The following COL13A1 variants were observed in gnomAD, a reference collection of about 807,000 sequenced individuals.
COL13A1 encodes the protein collagen type XIII alpha 1 chain.
COL13A1 carries 89 observed loss-of-function variants against 130.9 expected under a neutral mutation model. The observed-to-expected ratio is 0.68, with a 90% confidence interval of 0.57 to 0.81. The LOEUF is 0.81. COL13A1 is among the 30% of genes least tolerant of loss of function. The probability of loss-of-function intolerance (pLI) is 0.00; values close to 1 mark genes in which losing one functional copy is unlikely to be tolerated. For missense variants in COL13A1, 879 were observed against 934.6 expected (o/e 0.94, Z 0.78); for synonymous variants, 402 against 341.6 (o/e 1.18, Z -1.95).
At chr10:69,877,036 A>G (rs1171306557) in intron 5 of COL13A1, among the ~76,000 whole-genome samples, 1 of 152,208 alleles carries the variant, frequency 6.6e-6, no homozygotes, top group Non-Finnish European at 1.5e-5. Context: ...GGGGAGCTGC[A>G]GGAGGTCTCC....
rs1344557469 is a variant in COL13A1, at chr10:69,802,558, C to A, written c.135C>A (p.Cys45Ter). Residue 45 changes from cysteine (C) to a stop codon, truncating the protein, a stop_gained, in exon 1 of 41, where the codon TGC (cysteine) becomes TGA (stop). Transcript: ENST00000645393. LOFTEE classifies it high-confidence loss of function. ...RGARLPSPGS[C>*]GLLTLALCSL... ...CACGGCTGCCGAGTCCAGGGTCGTG[C>A]GGGCTGCTGACGCTGGCCCTCTGCT... 3 of 1,608,828 alleles carry A rather than the reference C, an allele frequency of 1.9e-6. No individual in the cohort carries two copies. The highest frequency in any genetic ancestry group is 4.5e-5 in the East Asian group (2 of 44,644).
At chr10:69,904,907 T>G in intron 15 of COL13A1, 26 bp from the exon 16 acceptor site, 1 of 203,640 alleles carries the variant, frequency 4.9e-6, no homozygotes, top group Non-Finnish European at 8.5e-6. Flanking sequence ...TCTTTTTTCT[T>G]TTTTTTTTTT....
chr10:69,940,085 T>G (rs2067421945), intron 34 of COL13A1, among the ~76,000 whole-genome samples: 1 of 152,170 alleles, frequency 6.6e-6, no homozygotes, highest in Non-Finnish European at 1.5e-5. Context: ...TGGGTTTTCC[T>G]GGGTGGGTTT....
intron 36 of COL13A1, 100 bp downstream of exon 36, chr10:69,944,278 C>A: frequency 9.9e-7 from 1 of 1,009,872 alleles, no homozygotes; most frequent in Admixed American, 1.8e-5. Flanking sequence ...CTTCTTCCAT[C>A]TCTTCTCCTG....
chr10:69,930,503 G>A lies in COL13A1; in HGVS notation c.1634G>A (p.Ser545Asn). 1.9e-6 allele frequency: 3 copies of A among 1,613,918 alleles called. No homozygotes were observed. Among genetic ancestry groups the A allele is most frequent in the Non-Finnish European group, 2.5e-6 (3 of 1,179,844 alleles). Residue 545 changes from serine to asparagine, a missense_variant, in exon 30 of 41, where the codon AGC becomes AAC. Physicochemically the swap from Ser to Asn is conservative, Grantham distance 46 (BLOSUM62 1). This residue lies in a region of COL13A1 where 715 missense variants were observed against 721.0 expected (regional missense o/e 0.99). Coordinates refer to ENST00000645393, the MANE Select transcript of COL13A1 (RefSeq NM_001368882.1). ...GVKGENGHPG[S>N]PGEKGEKGET... is the part of the protein sequence containing the mutation. ...AAGGGAGAAAACGGGCACCCAGGGAGCCCAGGAGAGAAGGGGGAAAAAGGG... is the reference window on the plus strand; with the variant it reads ...AAGGGAGAAAACGGGCACCCAGGGAACCCAGGAGAGAAGGGGGAAAAAGGG...
intron 17 of COL13A1, among the ~76,000 whole-genome samples, chr10:69,912,309 C>A (rs550240747): frequency 6.6e-6 from 1 of 152,220 alleles, no homozygotes; most frequent in Non-Finnish European, 1.5e-5. Flanking sequence ...CCCGGTAATT[C>A]CCCGGATCAC....
At chr10:69,902,206 T>A (rs547383874) in intron 14 of COL13A1, among the ~76,000 whole-genome samples, 1 of 152,226 alleles carries the variant, frequency 6.6e-6, no homozygotes, top group South Asian at 2.1e-4. Context: ...AGTTGTTTAG[T>A]GAGCCAAATA....
intron 17 of COL13A1, among the ~76,000 whole-genome samples, chr10:69,914,723 G>A (rs1056126261): frequency 1.3e-5 from 2 of 152,206 alleles, no homozygotes; most frequent in African/African-American, 4.8e-5. Flanking sequence ...TGCTAGCAGG[G>A]GACCCTCCAA....
At chr10:69,898,656 G>C (rs778302825) in intron 13 of COL13A1, 41 bp from the exon 14 acceptor site, 8 of 1,583,186 alleles carry the variant, frequency 5.1e-6, no homozygotes, top group Non-Finnish European at 6.9e-6. Flanking sequence ...TGTGATCTTT[G>C]GCCTTTGCCC....
intron 32 of COL13A1, among the ~76,000 whole-genome samples, chr10:69,936,083 GGGAGGGAA>G (rs2066807519): frequency 8.1e-6 from 1 of 123,338 alleles, no homozygotes; most frequent in African/African-American, 3.5e-5. Context: ...GAGGGAGGGA[GGGAGGGAA>G]GGAGGGAAGG....
chr10:69,810,743 G>T, intron 1 of COL13A1, among the ~76,000 whole-genome samples: 1 of 152,180 alleles, frequency 6.6e-6, no homozygotes, highest in East Asian at 1.9e-4. Context: ...GGGAGACTAG[G>T]GTGGATGGGG....
At chr10:69,839,348 A>G (rs777475577) in intron 2 of COL13A1, among the ~76,000 whole-genome samples, 6 of 152,226 alleles carry the variant, frequency 3.9e-5, no homozygotes, top group Non-Finnish European at 7.3e-5. Context: ...ACAAGAAAAT[A>G]TCCACTGATT....
chr10:69,925,028 G>A, intron 25 of COL13A1, 21 bp downstream of exon 25: 1 of 1,547,914 alleles, frequency 6.5e-7, no homozygotes, highest in Non-Finnish European at 8.7e-7. Context: ...CTCCCTCCTG[G>A]AGTCACAGCG....
At position 69,928,999 on chromosome 10, in the gene COL13A1, G is replaced by C. The variant is rs2065754844; in HGVS notation, c.1485G>C (p.Lys495Asn). The C allele has an allele frequency of 1.2e-6, 2 of 1,612,600 alleles. No homozygotes were observed. The highest frequency in any genetic ancestry group is 1.7e-6 in the Non-Finnish European group (2 of 1,179,320). The change falls in exon 28 of 41, where the codon AAG becomes AAC. Residue 495 changes from lysine (K) to asparagine (N), a missense_variant and splice_region_variant. Transcript: ENST00000645393. ...GAGCTCCAGGGATTCCAGGCCAGAA[G>C]GTAAATCTTATCTTGACAAAGGGGG... ...PPGAPGIPGQ[K>N]GEIGLPGPPG...
intron 21 of COL13A1, among the ~76,000 whole-genome samples, chr10:69,920,413 C>T (rs2064494002): frequency 6.6e-6 from 1 of 152,232 alleles, no homozygotes; most frequent in Non-Finnish European, 1.5e-5. Context: ...TGATATTGGA[C>T]ACTGCTGTGC....
At chr10:69,824,317 G>A (rs1015584925) in intron 2 of COL13A1, among the ~76,000 whole-genome samples, 3 of 152,250 alleles carry the variant, frequency 2.0e-5, no homozygotes, top group Non-Finnish European at 2.9e-5. Context: ...ATGTCCTAGT[G>A]TTGGGGGCAC....
chr10:69,900,249 G>A (rs1189397904), intron 14 of COL13A1, among the ~76,000 whole-genome samples: 3 of 152,196 alleles, frequency 2.0e-5, no homozygotes, highest in Non-Finnish European at 2.9e-5. Context: ...AGCCTTAGGT[G>A]TATCAGCTGT....
intron 21 of COL13A1, among the ~76,000 whole-genome samples, chr10:69,921,092 T>A (rs561675456): frequency 1.3e-5 from 2 of 152,232 alleles, no homozygotes; most frequent in African/African-American, 4.8e-5. Context: ...TGTCCCACAG[T>A]TCTGGAAGCT....
intron 6 of COL13A1, among the ~76,000 whole-genome samples, chr10:69,878,449 C>T (rs565090917): frequency 2.1e-4 from 32 of 152,078 alleles, no homozygotes; most frequent in Admixed American, 2.0e-4. Context: ...GAACATCAGC[C>T]CTGGGGGGTT....
Sources: gnomAD v4.1 joint callset for allele counts (sites outside exome capture counted in the v4.1 genomes callset) on GRCh38, gnomAD v4.1.1 for gene constraint, gnomAD v4.1.1 regional missense constraint, MANE v1.5 for transcripts, NCBI Gene and HGNC (gene_info 2026-07-23, HGNC 2026-07-21) for gene names.